The following SORCS3 variants were observed in gnomAD, a reference collection of about 807,000 sequenced individuals.
SORCS3 encodes sortilin related VPS10 domain containing receptor 3.
In SORCS3, 57 loss-of-function variants were observed where a neutral mutation model predicts 146.3. The ratio of observed to expected loss-of-function variants is 0.39; its 90% CI spans 0.31 to 0.49. The LOEUF is 0.49. Ranked by LOEUF, SORCS3 falls within the 20% of genes least tolerant of loss-of-function variation. The probability of loss-of-function intolerance (pLI) is 0.92; values close to 1 mark genes in which losing one functional copy is unlikely to be tolerated. For synonymous variants in SORCS3, 653 were observed against 618.5 expected (o/e 1.06, Z -0.83); for missense variants, 1,341 against 1,575.5 (o/e 0.85, Z 2.52).
rs11338927 is a variant in SORCS3, at chr10:104,703,711, GTTT to G, written c.627+61772_627+61774del. ...CCTGCACATTCTGCACATGTATCCT[GTTT>G]TTTTTTTTTTTTTTAAGAAGAAATG... On this transcript the variant is annotated intron_variant, in intron 1 of 26. Coordinates refer to ENST00000369701, the MANE Select transcript of SORCS3 (RefSeq NM_014978.3). Among the ~76,000 whole-genome samples, 777 of 135,410 alleles carry G rather than the reference GTTT, an allele frequency of 5.7e-3. 8 individuals carry two copies. Among genetic ancestry groups the G allele is most frequent in the African/African-American group, 0.02 (739 of 36,144 alleles). The allele number at this position is 135,410 out of a possible 152,430, so 88.8% of individuals were successfully genotyped here.
At chr10:104,893,722 C>T (rs1273436356) in intron 2 of SORCS3, among the ~76,000 whole-genome samples, 2 of 152,156 alleles carry the variant, frequency 1.3e-5, no homozygotes, top group African/African-American at 2.4e-5. Context: ...CTCTGCATGT[C>T]GCAAAGAATC....
intron 1 of SORCS3, among the ~76,000 whole-genome samples, chr10:104,654,312 A>G (rs1217607961): frequency 6.6e-6 from 1 of 152,240 alleles, no homozygotes; most frequent in African/African-American, 2.4e-5. Context: ...TCTTTTGAGT[A>G]TATAACCAGC....
chr10:105,140,998 C>A (rs2056091589), intron 8 of SORCS3, among the ~76,000 whole-genome samples: 1 of 152,148 alleles, frequency 6.6e-6, no homozygotes, highest in Non-Finnish European at 1.5e-5. Context: ...GTTACAGTAA[C>A]CAGAAGGTCT....
intron 3 of SORCS3, among the ~76,000 whole-genome samples, chr10:104,955,025 A>G (rs1216427477): frequency 1.3e-5 from 2 of 152,336 alleles, no homozygotes; most frequent in South Asian, 2.1e-4. Flanking sequence ...TAACTAAATA[A>G]TTAACTATTA....
intron 1 of SORCS3, among the ~76,000 whole-genome samples, chr10:104,833,982 A>T (rs1364226088): frequency 6.6e-6 from 1 of 152,192 alleles, no homozygotes; most frequent in Non-Finnish European, 1.5e-5. Context: ...TTAGGCTCAA[A>T]TGCTGAGGGT....
chr10:105,092,057 T>A (rs1355436773), intron 6 of SORCS3, among the ~76,000 whole-genome samples: 1 of 151,548 alleles, frequency 6.6e-6, no homozygotes, highest in Non-Finnish European at 1.5e-5. Context: ...AGCTCAGGCT[T>A]AAGACACATT....
chr10:105,253,340 T>G (rs187534028), intron 23 of SORCS3, among the ~76,000 whole-genome samples: 85 of 152,344 alleles, frequency 5.6e-4, no homozygotes, highest in Non-Finnish European at 5.3e-4. Flanking sequence ...TAAGCTCTGC[T>G]TCTGGGGAGA....
chr10:105,237,906 GGTTACTATGTAAGTA>G (rs2056802188), intron 20 of SORCS3, among the ~76,000 whole-genome samples: 3 of 152,152 alleles, frequency 2.0e-5, no homozygotes, highest in Admixed American at 2.0e-4. Context: ...GGTGTGACTA[GGTTACTATGTAAGTA>G]GTTAAATTAA....
In SORCS3 at chr10:105,135,268, G is replaced by A. The variant is rs116753994; in HGVS notation, c.1213-4129G>A. The stretch of plus-strand genomic sequence containing the variant: ...CCATGCAGCTGCACCAGAATGTGGC[G>A]ATCAGAGACTTGAGGTAGTACTGGA... On this transcript the variant is annotated intron_variant, in intron 7 of 26. Transcript: ENST00000369701. Among the ~76,000 whole-genome samples the A allele has an allele frequency of 7.1e-3, 1,083 of 152,202 alleles. 18 individuals are homozygous for A. Among genetic ancestry groups the A allele is most frequent in the African/African-American group, 0.025 (1,026 of 41,516 alleles).
At chr10:105,046,253 T>C (rs1214695379) in intron 5 of SORCS3, among the ~76,000 whole-genome samples, 1 of 152,072 alleles carries the variant, frequency 6.6e-6, no homozygotes, top group Non-Finnish European at 1.5e-5. Context: ...TCAGAAGAAA[T>C]ATTACAAATA....
At chr10:104,731,999 A>G (rs527739791) in intron 1 of SORCS3, among the ~76,000 whole-genome samples, 15 of 152,326 alleles carry the variant, frequency 9.8e-5, no homozygotes, top group African/African-American at 3.6e-4. Context: ...AGTTTCTTTA[A>G]CACTGGGGAA....
intron 1 of SORCS3, among the ~76,000 whole-genome samples, chr10:104,821,150 A>G (rs962861730): frequency 6.6e-6 from 1 of 152,178 alleles, no homozygotes; most frequent in Non-Finnish European, 1.5e-5. Context: ...ACCTTCAGCA[A>G]CTTCAGGCAT....
chr10:104,757,903 A>C (rs1209770985), intron 1 of SORCS3, among the ~76,000 whole-genome samples: 1 of 139,238 alleles, frequency 7.2e-6, no homozygotes, highest in Non-Finnish European at 1.5e-5. Flanking sequence ...GTGGCTGTCT[A>C]AAGTACAAAG....
intron 2 of SORCS3, among the ~76,000 whole-genome samples, chr10:104,889,385 TG>T (rs776776458): frequency 1.1e-4 from 17 of 151,868 alleles, no homozygotes; most frequent in Non-Finnish European, 1.9e-4. Flanking sequence ...GGTTTAAATC[TG>T]TTGCCTTACT....
intron 7 of SORCS3, among the ~76,000 whole-genome samples, chr10:105,109,135 C>T (rs1175018026): frequency 1.3e-5 from 2 of 152,054 alleles, no homozygotes; most frequent in Non-Finnish European, 2.9e-5. Context: ...CTATTGATTT[C>T]CTGTTGGCAG....
chr10:104,901,386 G>A lies in SORCS3; in HGVS notation c.696-14447G>A, dbSNP rs999052376. ...CCATGTCTGTGACTTCGAAGTTTGT[G>A]CACTTAACCACTCTGGTAATATATT... On this transcript the variant is annotated intron_variant, in intron 2 of 26. Coordinates refer to ENST00000369701, the MANE Select transcript of SORCS3 (RefSeq NM_014978.3). 5.3e-5 allele frequency among the ~76,000 whole-genome samples: 8 copies of A among 152,174 alleles called. No homozygotes were observed. The East Asian group carries it at 1.3e-3, about 26-fold the overall frequency.
At chr10:104,955,703 A>G (rs1209012015) in intron 3 of SORCS3, among the ~76,000 whole-genome samples, 2 of 152,168 alleles carry the variant, frequency 1.3e-5, no homozygotes, top group Non-Finnish European at 2.9e-5. Flanking sequence ...AATAAGAACA[A>G]TCTCAAAATT....
intron 1 of SORCS3, among the ~76,000 whole-genome samples, chr10:104,688,100 C>G (rs573629892): frequency 2.0e-5 from 3 of 152,208 alleles, no homozygotes; most frequent in Non-Finnish European, 4.4e-5. Flanking sequence ...ATCTGAAATT[C>G]AAATTTAACT....
rs543562005 is a variant in SORCS3 at position 105,141,230 on chromosome 10, C to T, written c.1302+1744C>T. On this transcript the variant is annotated intron_variant, in intron 8 of 26. Transcript: ENST00000369701. ...ACACTCTGTTAATGATTAGCAACCC[C>T]GAGGCAATTTATTGTGGTGGAATGC... 7.9e-5 allele frequency among the ~76,000 whole-genome samples: 12 copies of T among 152,174 alleles called. No individual in the cohort carries two copies. In the East Asian group the frequency reaches 9.7e-4, roughly 12 times the overall value.
Sources: allele counts gnomAD v4.1 joint callset (sites outside exome capture counted in the v4.1 genomes callset), GRCh38; gene constraint gnomAD v4.1.1; transcripts MANE v1.5; gene names NCBI Gene and HGNC (gene_info 2026-07-23, HGNC 2026-07-21).